Variants in PHYHIPL observed in about 807,000 individuals in gnomAD.
PHYHIPL encodes the protein phytanoyl-CoA hydroxylase-interacting protein-like.
A neutral mutation model predicts 33.4 loss-of-function variants in PHYHIPL; 9 were observed. The observed-to-expected ratio is 0.27, with a 90% CI of 0.16 to 0.47. The LOEUF (loss-of-function observed/expected upper bound fraction) is 0.47. Among genes scored for constraint, PHYHIPL ranks in the 20% least tolerant of loss-of-function variants. PHYHIPL has a pLI of 0.99. For missense variants in PHYHIPL, 365 were observed against 460.7 expected (o/e 0.79, Z 1.90); for synonymous variants, 153 against 154.1 (o/e 0.99, Z 0.05).
At chr10:59,222,634 G>A (rs372184135) in intron 1 of PHYHIPL, among the ~76,000 whole-genome samples, 4 of 151,998 alleles carry the variant, frequency 2.6e-5, no homozygotes, top group African/African-American at 9.6e-5. Context: ...ATAAAAATTA[G>A]GACATTATTA....
At chr10:59,236,320 A>T (rs535626999) in intron 2 of PHYHIPL, among the ~76,000 whole-genome samples, 163 bp from the exon 3 acceptor site, 16 of 151,514 alleles carry the variant, frequency 1.1e-4, no homozygotes, top group African/African-American at 3.9e-4. Context: ...TACTAAATTA[A>T]CTTCCTCCTT....
At chr10:59,185,886 T>C (rs1241469044) in intron 1 of PHYHIPL, among the ~76,000 whole-genome samples, 1 of 152,200 alleles carries the variant, frequency 6.6e-6, no homozygotes, top group East Asian at 1.9e-4. Flanking sequence ...GATGAGTAGA[T>C]TGCGAAAATT....
At chr10:59,198,662 G>A (rs983317651) in intron 1 of PHYHIPL, among the ~76,000 whole-genome samples, 2 of 152,194 alleles carry the variant, frequency 1.3e-5, no homozygotes, top group South Asian at 2.1e-4. Flanking sequence ...CTAGTTTACA[G>A]TCCCACTAAC....
chr10:59,193,668 A>T (rs1289840244), intron 1 of PHYHIPL, among the ~76,000 whole-genome samples: 1 of 152,116 alleles, frequency 6.6e-6, no homozygotes, highest in African/African-American at 2.4e-5. Context: ...AAGCTTAGAT[A>T]AACCTTCCAT....
intron 1 of PHYHIPL, among the ~76,000 whole-genome samples, chr10:59,189,055 T>G (rs1373477612): frequency 6.6e-6 from 1 of 152,142 alleles, no homozygotes; most frequent in Non-Finnish European, 1.5e-5. Flanking sequence ...GAAATATGTA[T>G]AATTATATTG....
At chr10:59,185,863 T>C (rs1410825486) in intron 1 of PHYHIPL, among the ~76,000 whole-genome samples, 1 of 152,222 alleles carries the variant, frequency 6.6e-6, no homozygotes, top group Non-Finnish European at 1.5e-5. Context: ...TTCTGGATAT[T>C]AGCCCTTTGT....
At chr10:59,241,892 T>C (rs755695167) in intron 4 of PHYHIPL, among the ~76,000 whole-genome samples, 1 of 152,032 alleles carries the variant, frequency 6.6e-6, no homozygotes, top group Non-Finnish European at 1.5e-5. Context: ...AAAAAAGAAA[T>C]AAAGAACACC....
intron 1 of PHYHIPL, among the ~76,000 whole-genome samples, chr10:59,200,053 T>A (rs995041851): frequency 6.6e-6 from 1 of 152,188 alleles, no homozygotes; most frequent in African/African-American, 2.4e-5. Flanking sequence ...TTTATTTCTT[T>A]CTCTTGCCTG....
At chr10:59,176,561 AT>A, upstream of PHYHIPL, 1 of 240,308 alleles carries the variant, frequency 4.2e-6, no homozygotes, top group Non-Finnish European at 8.0e-6. Flanking sequence ...AGCCCTATAC[AT>A]CACGTTCCCC....
At chr10:59,191,541 A>T (rs1254563785) in intron 1 of PHYHIPL, among the ~76,000 whole-genome samples, 1 of 151,974 alleles carries the variant, frequency 6.6e-6, no homozygotes, top group Admixed American at 6.6e-5. Context: ...TATTTTGCCA[A>T]ACTTTGTTAT....
chr10:59,215,587 G>A (rs1589280587), intron 1 of PHYHIPL, among the ~76,000 whole-genome samples: 1 of 151,920 alleles, frequency 6.6e-6, no homozygotes, highest in East Asian at 1.9e-4. Context: ...TTACACTCTG[G>A]TGGGAAAAAC....
chr10:59,217,700 C>T (rs564901189), intron 1 of PHYHIPL, among the ~76,000 whole-genome samples: 133 of 151,610 alleles, frequency 8.8e-4, no homozygotes, highest in African/African-American at 3.1e-3. Flanking sequence ...AATTATTGCT[C>T]AATTCTAAAA....
chr10:59,233,079 G>C (rs1840124585), intron 1 of PHYHIPL, among the ~76,000 whole-genome samples: 1 of 151,858 alleles, frequency 6.6e-6, no homozygotes, highest in East Asian at 1.9e-4. Flanking sequence ...TGTGAAGAAA[G>C]TACATAGGAG....
In PHYHIPL at chr10:59,246,062, T is replaced by C. The variant is rs1840672837; in HGVS notation, c.*471T>C. On this transcript the variant is annotated 3_prime_UTR_variant, in exon 5 of 5. Transcript: ENST00000373880. The stretch of plus-strand genomic sequence containing the variant: ...AGAATTGTCAGCACTTCCAACTTCT[T>C]GTTTGACAGTGTTATTTATGTTATT... The C allele has an allele frequency of 6.5e-6, 1 of 153,712 alleles. No individual in the cohort carries two copies. The highest frequency in any genetic ancestry group is 2.4e-5 in the African/African-American group (1 of 41,510). 9.5% of individuals were successfully genotyped at this position (153,712 alleles called of 1,614,324 possible).
intron 1 of PHYHIPL, among the ~76,000 whole-genome samples, chr10:59,214,570 G>A (rs1358185991): frequency 6.6e-6 from 1 of 151,992 alleles, no homozygotes; most frequent in East Asian, 1.9e-4. Flanking sequence ...TATAAAACAA[G>A]CAAATAAGTA....
intron 1 of PHYHIPL, among the ~76,000 whole-genome samples, chr10:59,181,680 A>G (rs1421529054): frequency 6.6e-6 from 1 of 152,220 alleles, no homozygotes; most frequent in Non-Finnish European, 1.5e-5. Context: ...AAATATGACT[A>G]TAGAGATATT....
chr10:59,244,572 A>AAAAAAAAAAAAAAAAAAAAAAAAAG, intron 4 of PHYHIPL, among the ~76,000 whole-genome samples: 1 of 145,206 alleles, frequency 6.9e-6, no homozygotes, highest in Non-Finnish European at 1.5e-5. Context: ...CAAAAAAAAA[A>AAAAAAAAAAAAAAAAAAAAAAAAAG]AAAAAAAAAA....
At chr10:59,180,354 ATATATATACTTTTT>A (rs1838383380) in intron 1 of PHYHIPL, among the ~76,000 whole-genome samples, 1 of 97,462 alleles carries the variant, frequency 1.0e-5, no homozygotes, top group Admixed American at 1.1e-4. Context: ...ATATATATAT[ATATATATACTTTTT>A]CTTCCTCGTT....
intron 1 of PHYHIPL, chr10:59,221,574 AAGAG>A: frequency 3.9e-6 from 2 of 511,560 alleles, no homozygotes; most frequent in Non-Finnish European, 5.0e-6. Context: ...GGATATGGCT[AAGAG>A]AGATAAGTTT....
Sources: gnomAD v4.1 joint callset for allele counts (sites outside exome capture counted in the v4.1 genomes callset) on GRCh38, gnomAD v4.1.1 for gene constraint, MANE v1.5 for transcripts, NCBI Gene and HGNC (gene_info 2026-07-23, HGNC 2026-07-21) for gene names.